LAT2: variants seen among roughly 807,000 people sequenced by gnomAD.
LAT2 encodes linker for activation of T cells family member 2.
Under a neutral mutation model 43.4 loss-of-function variants are expected in LAT2, and 23 were observed. The ratio of observed to expected loss-of-function variants is 0.53; its 90% CI spans 0.38 to 0.75. LAT2 has a LOEUF of 0.75. Among genes scored for constraint, LAT2 ranks in the 30% least tolerant of loss-of-function variants. LAT2 has a pLI of 0.00. For synonymous variants in LAT2, 128 were observed against 123.2 expected (o/e 1.04, Z -0.26); for missense variants, 284 against 310.2 (o/e 0.92, Z 0.64).
chr7:74,219,135 C>G (rs1334723631), intron 4 of LAT2, among the ~76,000 whole-genome samples: 5 of 146,050 alleles, frequency 3.4e-5, no homozygotes, highest in African/African-American at 1.0e-4. Flanking sequence ...TTCCCGGGTT[C>G]ACGCCATTCT....
intron 1 of LAT2, among the ~76,000 whole-genome samples, chr7:74,212,147 A>G (rs1801755240): frequency 6.6e-6 from 1 of 151,554 alleles, no homozygotes; most frequent in East Asian, 1.9e-4. Context: ...GCCTTGTTAC[A>G]TCGTCCATGC....
chr7:74,224,178 C>A lies in LAT2; in HGVS notation c.609C>A (p.Arg203=). ...ACTCAGCATCCATCCATCAGTGGCG[C>A]GAGTCCAGGAAGGTCATGGGTAGGT... ...YQNSASIHQW[R]ESRKVMGQLQ... is the part of the protein sequence containing the mutation. The change falls in exon 12 of 14, where the codon CGC becomes CGA. Residue 203 remains arginine (R), a synonymous_variant. Transcript: ENST00000460943. The A allele has an allele frequency of 3.1e-6, 5 of 1,613,810 alleles. No homozygotes were observed. The highest frequency in any genetic ancestry group is 4.2e-6 in the Non-Finnish European group (5 of 1,179,998).
At chr7:74,224,490 A>C (rs1802410874) in intron 12 of LAT2, 149 bp from the exon 13 acceptor site, 2 of 714,948 alleles carry the variant, frequency 2.8e-6, no homozygotes, top group Admixed American at 2.2e-5. Context: ...CAAATCCCAG[A>C]GACAGGACAG....
Position 74,213,637 on chromosome 7 carries a change from C to A in LAT2, c.-218-1185C>A, listed in dbSNP as rs536688478. 1.2e-4 allele frequency among the ~76,000 whole-genome samples: 19 copies of A among 152,042 alleles called. 1 individual carries two copies. In the South Asian group the frequency reaches 3.5e-3, roughly 28 times the overall value. On this transcript the variant is annotated intron_variant, in intron 1 of 13. Coordinates refer to ENST00000460943, the MANE Select transcript of LAT2 (RefSeq NM_032464.3). ...ATGGGGTTTCACCATGTTGGTCAGGCTAGTCTCGAACTCCCGACCTCGTGA... is the reference window on the plus strand; with the variant it reads ...ATGGGGTTTCACCATGTTGGTCAGGATAGTCTCGAACTCCCGACCTCGTGA...
rs1554712922 is a variant in LAT2, at chr7:74,210,103, G to C, written c.-219+15G>C. 1 of 152,408 alleles carries C rather than the reference G, an allele frequency of 6.6e-6. No homozygotes were observed. The highest frequency in any genetic ancestry group is 1.9e-4 in the East Asian group (1 of 5,200). The allele number at this position is 152,408 out of a possible 1,614,324, so 9.4% of individuals were successfully genotyped here. ...TGGACTCTCAGGTAAGCCTTTCCCAGGGGTGCCTCAGTCCTCAGGCTGTCC... is the reference window on the plus strand; with the variant it reads ...TGGACTCTCAGGTAAGCCTTTCCCACGGGTGCCTCAGTCCTCAGGCTGTCC... On this transcript the variant is annotated intron_variant, in intron 1 of 13. Transcript: ENST00000460943.
chr7:74,214,710 AATAT>A (rs1165640318), intron 1 of LAT2, 108 bp from the exon 2 acceptor site: 1 of 100,938 alleles, frequency 9.9e-6, no homozygotes, highest in Non-Finnish European at 1.8e-5. Context: ...AATATATATA[AATAT>A]ATATAAAAAT....
At chr7:74,225,379 G>A (rs1426671240) in intron 13 of LAT2, 1 of 152,328 alleles carries the variant, frequency 6.6e-6, no homozygotes, top group Non-Finnish European at 1.5e-5. Context: ...GACAGAGCGA[G>A]ACTCCGTCTC....
chr7:74,214,400 A>G (rs868986817), intron 1 of LAT2, among the ~76,000 whole-genome samples: 7 of 67,732 alleles, frequency 1.0e-4, no homozygotes, highest in African/African-American at 3.5e-4. Flanking sequence ...ATATATATAT[A>G]TGAAAATATA....
chr7:74,228,037 G>A (rs1802553276), intron 13 of LAT2, among the ~76,000 whole-genome samples: 1 of 151,292 alleles, frequency 6.6e-6, no homozygotes, highest in Non-Finnish European at 1.5e-5. Flanking sequence ...TTAGCCAGGT[G>A]TGGTGGCGTG....
At chr7:74,212,538 T>C (rs1447781499) in intron 1 of LAT2, among the ~76,000 whole-genome samples, 3 of 152,066 alleles carry the variant, frequency 2.0e-5, no homozygotes, top group African/African-American at 7.2e-5. Context: ...CCTCCCAAAG[T>C]ATTGGGATTA....
chr7:74,212,982 G>C (rs1801780780), intron 1 of LAT2, among the ~76,000 whole-genome samples: 1 of 152,180 alleles, frequency 6.6e-6, no homozygotes, highest in Admixed American at 6.5e-5. Context: ...TCTTACCGCA[G>C]GGATTTGGGA....
intron 1 of LAT2, among the ~76,000 whole-genome samples, chr7:74,212,688 G>A (rs1258729129): frequency 6.6e-6 from 1 of 152,188 alleles, no homozygotes; most frequent in Non-Finnish European, 1.5e-5. Context: ...AGCCTGAGAT[G>A]AACTTGGGCC....
At chr7:74,221,172 T>C (rs1554715182) in intron 9 of LAT2, among the ~76,000 whole-genome samples, 1 of 151,666 alleles carries the variant, frequency 6.6e-6, no homozygotes. Context: ...TCCCAGGACT[T>C]TGGGAGGCCA....
At chr7:74,214,167 TATATATATGAAA>T (rs1563966820) in intron 1 of LAT2, among the ~76,000 whole-genome samples, 6 of 101,640 alleles carry the variant, frequency 5.9e-5, no homozygotes, top group Non-Finnish European at 8.9e-5. Flanking sequence ...TATATGAAAA[TATATATATGAAA>T]ATATATATAA....
rs369645558 is a variant in LAT2 at position 74,219,990 on chromosome 7, C to A, written c.209C>A (p.Ala70Glu). ...GGGCAGGCATGGCCAGGACCCCTGGCGGACATGGCACCCACAAGGTAGGTC... is the reference window on the plus strand; with the variant it reads ...GGGCAGGCATGGCCAGGACCCCTGGAGGACATGGCACCCACAAGGTAGGTC... ...LVGQAWPGPL[A>E]DMAPTRKDKL... The change falls in exon 6 of 14, where the codon GCG (alanine) becomes GAG (glutamate). Residue 70 changes from alanine to glutamate, a missense_variant. Transcript: ENST00000460943. The A allele has an allele frequency of 3.7e-6, 6 of 1,613,558 alleles. No homozygotes were observed. Among genetic ancestry groups the A allele is most frequent in the Non-Finnish European group, 5.1e-6 (6 of 1,179,986 alleles).
At chr7:74,226,617 C>T (rs1345752276) in intron 13 of LAT2, 1 of 153,632 alleles carries the variant, frequency 6.5e-6, no homozygotes, top group East Asian at 1.9e-4. Flanking sequence ...ATGATTGTAC[C>T]ACTGTACAGC....
At position 74,214,805 on chromosome 7, in the gene LAT2, T is replaced by G. The variant is rs1801977228; in HGVS notation, c.-218-17T>G. 8.5e-6 allele frequency: 1 copy of G among 117,790 alleles called. No individual in the cohort carries two copies. The highest frequency in any genetic ancestry group is 3.6e-5 in the African/African-American group (1 of 27,716). 7.3% of individuals were successfully genotyped at this position (117,790 alleles called of 1,614,324 possible). ...TATATATATATATTTTTTTTTTTTT[T>G]TGTATTTTTTTTGTAGAGATGGAAT... On this transcript the variant is annotated splice_polypyrimidine_tract_variant and intron_variant, in intron 1 of 13. Coordinates refer to ENST00000460943, the MANE Select transcript of LAT2 (RefSeq NM_032464.3).
chr7:74,221,344 G>A (rs1802266955), intron 9 of LAT2, among the ~76,000 whole-genome samples: 2 of 150,368 alleles, frequency 1.3e-5, no homozygotes, highest in African/African-American at 4.9e-5. Context: ...GAACCTGGGA[G>A]GCTGAGGTTG....
rs548850870 is a variant in LAT2 at position 74,220,658 on chromosome 7, G to C, written c.301+39G>C. ...TGGAGAAAGGGGGAGGCCATGGTGG[G>C]GGCCACACCCAGGGGCTCAGGCCCA... On this transcript the variant is annotated intron_variant, in intron 8 of 13. Transcript: ENST00000460943. This position sits in a 1 kb window ranked among gnomAD's most constrained non-coding sequence, Gnocchi z 4.5. 15 of 1,613,836 alleles carry C rather than the reference G, an allele frequency of 9.3e-6. No individual in the cohort carries two copies. The highest frequency in any genetic ancestry group is 1.7e-5 in the Admixed American group (1 of 60,014).
Sources: allele counts gnomAD v4.1 joint callset (sites outside exome capture counted in the v4.1 genomes callset), GRCh38; gene constraint gnomAD v4.1.1; non-coding constraint Gnocchi (gnomAD v3.1); transcripts MANE v1.5; gene names NCBI Gene and HGNC (gene_info 2026-07-23, HGNC 2026-07-21).